Variants in DNAJC1 observed in about 807,000 individuals in gnomAD.
DNAJC1 encodes dnaJ homolog subfamily C member 1.
A neutral mutation model predicts 76.6 loss-of-function variants in DNAJC1; 58 were observed. That is an observed-to-expected ratio of 0.76 (90% CI 0.61 to 0.94). The LOEUF (loss-of-function observed/expected upper bound fraction) is 0.94. DNAJC1 is among the 40% of genes least tolerant of loss of function. The pLI, the probability that DNAJC1 is intolerant of heterozygous loss-of-function variation, is 0.00. For missense variants in DNAJC1, 689 were observed against 677.3 expected (o/e 1.02, Z -0.19); for synonymous variants, 258 against 267.9 (o/e 0.96, Z 0.36).
chr10:21,834,974 G>C (rs1835425296), intron 8 of DNAJC1, among the ~76,000 whole-genome samples: 1 of 152,228 alleles, frequency 6.6e-6, no homozygotes, highest in Non-Finnish European at 1.5e-5. Flanking sequence ...CCTTTGAAGA[G>C]AGTAGTGGTT....
intron 8 of DNAJC1, among the ~76,000 whole-genome samples, chr10:21,871,531 G>C (rs1466073847): frequency 6.6e-6 from 1 of 151,976 alleles, no homozygotes; most frequent in Non-Finnish European, 1.5e-5. Flanking sequence ...AATTAGTTCA[G>C]AAAACTCACT....
intron 8 of DNAJC1, among the ~76,000 whole-genome samples, chr10:21,808,809 C>T (rs1834921740): frequency 6.6e-6 from 1 of 152,204 alleles, no homozygotes; most frequent in Non-Finnish European, 1.5e-5. Context: ...CTTACCGAAA[C>T]ACCGGGCCAA....
At chr10:21,845,288 T>C (rs1028671352) in intron 8 of DNAJC1, among the ~76,000 whole-genome samples, 2 of 152,138 alleles carry the variant, frequency 1.3e-5, no homozygotes, top group African/African-American at 4.8e-5. Context: ...AAAGTCACTT[T>C]TAAGTAGTTA....
rs558086288 is a variant in DNAJC1, at chr10:21,896,836, C to A, written c.820+7686G>T. On this transcript the variant is annotated intron_variant, in intron 7 of 11. Coordinates refer to ENST00000376980, the MANE Select transcript of DNAJC1 (RefSeq NM_022365.4). Reference sequence around the variant, plus strand: ...ATGCAATAGTATTAAGAGGAAAAGGCCACTGGGAGGTGATGAGGTCATGAG... The same window carrying A: ...ATGCAATAGTATTAAGAGGAAAAGGACACTGGGAGGTGATGAGGTCATGAG... Among the ~76,000 whole-genome samples the A allele has an allele frequency of 1.2e-4, 18 of 152,156 alleles. 1 individual carries two copies. In the South Asian group the frequency reaches 3.5e-3, roughly 30 times the overall value.
intron 8 of DNAJC1, among the ~76,000 whole-genome samples, chr10:21,877,773 A>G (rs1386841510): frequency 6.6e-6 from 1 of 152,234 alleles, no homozygotes; most frequent in Non-Finnish European, 1.5e-5. Flanking sequence ...TGACCCTTGA[A>G]CAATATGGAG....
intron 7 of DNAJC1, among the ~76,000 whole-genome samples, chr10:21,889,262 C>T (rs1836421123): frequency 6.6e-6 from 1 of 152,126 alleles, no homozygotes. Flanking sequence ...CTCATGAGAA[C>T]TCACTGTCTC....
intron 7 of DNAJC1, among the ~76,000 whole-genome samples, chr10:21,890,304 C>T (rs985046666): frequency 2.0e-5 from 3 of 150,808 alleles, no homozygotes; most frequent in African/African-American, 7.3e-5. Flanking sequence ...TCCCAGCTAC[C>T]GGGGAGGCTG....
intron 9 of DNAJC1, among the ~76,000 whole-genome samples, chr10:21,790,007 C>G (rs1272157231): frequency 2.1e-5 from 1 of 47,626 alleles, no homozygotes; most frequent in Non-Finnish European, 3.3e-5. Context: ...AAGGCTCTGT[C>G]TTTAAAAAAA....
At chr10:21,856,613 A>C (rs1185496555) in intron 8 of DNAJC1, among the ~76,000 whole-genome samples, 1 of 152,178 alleles carries the variant, frequency 6.6e-6, no homozygotes, top group African/African-American at 2.4e-5. Flanking sequence ...AATTAAAAAA[A>C]ATTTACCAAC....
intron 9 of DNAJC1, among the ~76,000 whole-genome samples, chr10:21,788,362 C>T (rs779991096): frequency 6.6e-6 from 1 of 152,164 alleles, no homozygotes; most frequent in Non-Finnish European, 1.5e-5. Flanking sequence ...GGAACTCATG[C>T]CTTGGCTGAG....
chr10:21,803,075 C>T (rs1261787442), intron 9 of DNAJC1, among the ~76,000 whole-genome samples: 2 of 152,044 alleles, frequency 1.3e-5, no homozygotes, highest in Non-Finnish European at 1.5e-5. Context: ...AGCAATCTAA[C>T]TCTGCTAATT....
At chr10:21,859,887 G>A (rs573894975) in intron 8 of DNAJC1, among the ~76,000 whole-genome samples, 31 of 152,086 alleles carry the variant, frequency 2.0e-4, no homozygotes, top group South Asian at 2.1e-4. Context: ...GGGTTCAAGC[G>A]ATTCTCCTGC....
chr10:21,918,190 TA>T (rs1311247820), intron 6 of DNAJC1, among the ~76,000 whole-genome samples: 1 of 151,782 alleles, frequency 6.6e-6, no homozygotes, highest in East Asian at 1.9e-4. Context: ...ATACTAAATG[TA>T]AAAAAATAAA....
chr10:21,933,659 A>G (rs1837263230), intron 1 of DNAJC1, among the ~76,000 whole-genome samples: 1 of 152,178 alleles, frequency 6.6e-6, no homozygotes, highest in Non-Finnish European at 1.5e-5. Context: ...GGAACTATAT[A>G]TATTATTTAT....
intron 9 of DNAJC1, among the ~76,000 whole-genome samples, chr10:21,794,266 C>CAAAAAAA (rs542182948): frequency 1.9e-5 from 1 of 53,578 alleles, no homozygotes; most frequent in African/African-American, 6.6e-5. Flanking sequence ...TTCCTATCTT[C>CAAAAAAA]AAAAAAAAAA....
At chr10:21,968,073 T>A (rs1005609511) in intron 1 of DNAJC1, among the ~76,000 whole-genome samples, 1 of 152,228 alleles carries the variant, frequency 6.6e-6, no homozygotes, top group Non-Finnish European at 1.5e-5. Flanking sequence ...AGTTTTATAT[T>A]ACATCAATAA....
At position 21,803,714 on chromosome 10, in the gene DNAJC1, A is replaced by G. The variant is rs1483868195; in HGVS notation, c.1098+2266T>C. 1.3e-5 allele frequency: 7 copies of G among 539,024 alleles called. No individual in the cohort carries two copies. The East Asian group carries it at 1.0e-3, about 79-fold the overall frequency. 33.4% of individuals were successfully genotyped at this position (539,024 alleles called of 1,614,324 possible). ...TAGTCCAGCCATGGAGATGATGCTT[A>G]CAGAATGAAAATGCAGTGTGGGTCT... On this transcript the variant is annotated intron_variant, in intron 9 of 11. Coordinates refer to ENST00000376980, the MANE Select transcript of DNAJC1 (RefSeq NM_022365.4).
chr10:21,862,596 T>C (rs1835933187), intron 8 of DNAJC1, among the ~76,000 whole-genome samples: 1 of 151,780 alleles, frequency 6.6e-6, no homozygotes, highest in Non-Finnish European at 1.5e-5. Context: ...GCCTGGCTAA[T>C]TTTTGTATTT....
intron 8 of DNAJC1, among the ~76,000 whole-genome samples, chr10:21,863,153 C>CA (rs1236349901): frequency 2.0e-5 from 3 of 151,380 alleles, no homozygotes; most frequent in Non-Finnish European, 4.4e-5. Flanking sequence ...AACAAACAAA[C>CA]AAAAAACCCA....
Sources: gnomAD v4.1 joint callset for allele counts (sites outside exome capture counted in the v4.1 genomes callset) on GRCh38, gnomAD v4.1.1 for gene constraint, MANE v1.5 for transcripts, NCBI Gene and HGNC (gene_info 2026-07-23, HGNC 2026-07-21) for gene names.